TAFA2: variants seen among roughly 807,000 people sequenced by gnomAD.
The protein encoded by TAFA2 is chemokine-like protein TAFA-2.
In TAFA2, 7 loss-of-function variants were observed where a neutral mutation model predicts 18.8. That is an observed-to-expected ratio of 0.37 (90% CI 0.21 to 0.70). The LOEUF is 0.70. TAFA2 is among the 30% of genes least tolerant of loss of function. TAFA2 has a pLI of 0.53. For missense variants in TAFA2, 122 were observed against 158.1 expected (o/e 0.77, Z 1.23); for synonymous variants, 60 against 54.2 (o/e 1.11, Z -0.47).
At chr12:62,214,286 G>A (rs984217840) in intron 1 of TAFA2, among the ~76,000 whole-genome samples, 2 of 152,230 alleles carry the variant, frequency 1.3e-5, no homozygotes, top group East Asian at 3.9e-4. Flanking sequence ...TCTTTCCTGT[G>A]CTGTTTTCAT....
At chr12:62,156,155 A>G (rs1592371332) in intron 1 of TAFA2, among the ~76,000 whole-genome samples, 1 of 152,238 alleles carries the variant, frequency 6.6e-6, no homozygotes, top group Non-Finnish European at 1.5e-5. Context: ...GACAATTCTC[A>G]AAAGAAGATA....
chr12:62,229,316 A>C (rs7313479), intron 1 of TAFA2, among the ~76,000 whole-genome samples: 54,149 of 151,834 alleles, frequency 0.36, 10,135 homozygotes, highest in South Asian at 0.45. Flanking sequence ...AATGGCTTTC[A>C]ATTTTTCCCC....
chr12:61,962,968 A>G (rs1261509144), intron 1 of TAFA2, among the ~76,000 whole-genome samples: 1 of 152,098 alleles, frequency 6.6e-6, no homozygotes, highest in Non-Finnish European at 1.5e-5. Flanking sequence ...GAATGAGAAC[A>G]TACAGTGTTT....
chr12:61,931,659 G>C (rs1877559661), intron 1 of TAFA2, among the ~76,000 whole-genome samples: 1 of 152,144 alleles, frequency 6.6e-6, no homozygotes, highest in South Asian at 2.1e-4. Context: ...TCTCTAGTTT[G>C]GAAGGTACAG....
chr12:61,753,845 C>CTGT, intron 3 of TAFA2, 99 bp from the exon 4 acceptor site: 1 of 1,054,970 alleles, frequency 9.5e-7, no homozygotes, highest in Non-Finnish European at 1.4e-6. Flanking sequence ...TTTTTCCTAC[C>CTGT]AGTGGGAATA....
chr12:62,170,209 G>A lies in TAFA2; in HGVS notation c.-2+21050C>T, dbSNP rs145905154. The stretch of plus-strand genomic sequence containing the variant: ...TAATTGATATCTCTCTTTGAAATGT[G>A]GAACAAAGGAAACTATATGTTGAGG... On this transcript the variant is annotated intron_variant, in intron 1 of 4. Coordinates refer to ENST00000416284, the MANE Select transcript of TAFA2 (RefSeq NM_178539.5). Among the ~76,000 whole-genome samples, 1,023 of 152,112 alleles carry A rather than the reference G, an allele frequency of 6.7e-3. 9 individuals are homozygous for A. The highest frequency in any genetic ancestry group is 0.017 in the Middle Eastern group (5 of 294).
intron 4 of TAFA2, among the ~76,000 whole-genome samples, chr12:61,727,247 A>G (rs919188924): frequency 1.3e-5 from 2 of 151,954 alleles, no homozygotes; most frequent in Non-Finnish European, 2.9e-5. Context: ...AGAATGATTT[A>G]GGGAGGATTC....
intron 1 of TAFA2, among the ~76,000 whole-genome samples, chr12:61,964,676 T>A (rs1184181193): frequency 6.6e-6 from 1 of 151,854 alleles, no homozygotes; most frequent in Non-Finnish European, 1.5e-5. Context: ...CATCCATTCA[T>A]TAAATCAATA....
chr12:61,782,075 T>C (rs1484117003), intron 2 of TAFA2, among the ~76,000 whole-genome samples: 2 of 151,630 alleles, frequency 1.3e-5, no homozygotes, highest in Non-Finnish European at 3.0e-5. Flanking sequence ...AAGATGTATA[T>C]ATTTCCATGA....
At chr12:62,144,695 C>T (rs2062268362) in intron 1 of TAFA2, among the ~76,000 whole-genome samples, 1 of 152,168 alleles carries the variant, frequency 6.6e-6, no homozygotes. Flanking sequence ...ATTTGGCATA[C>T]ATTTAAAGCA....
chr12:62,218,806 G>A (rs2062748174), intron 1 of TAFA2, among the ~76,000 whole-genome samples: 1 of 151,854 alleles, frequency 6.6e-6, no homozygotes, highest in African/African-American at 2.4e-5. Context: ...AATCAGAGTA[G>A]ATATCTAAAG....
At chr12:62,202,166 T>C (rs185152880) in intron 1 of TAFA2, among the ~76,000 whole-genome samples, 163 of 152,228 alleles carry the variant, frequency 1.1e-3, no homozygotes, top group Admixed American at 1.8e-3. Flanking sequence ...GTCTATTTTA[T>C]TAATTTTTTT....
At chr12:62,119,308 G>C (rs1218249622) in intron 1 of TAFA2, among the ~76,000 whole-genome samples, 1 of 151,934 alleles carries the variant, frequency 6.6e-6, no homozygotes, top group Non-Finnish European at 1.5e-5. Context: ...TGCATAGTAG[G>C]AGTTGAGGTT....
intron 1 of TAFA2, among the ~76,000 whole-genome samples, chr12:62,249,131 C>T (rs1247126144): frequency 6.6e-6 from 1 of 152,014 alleles, no homozygotes; most frequent in Non-Finnish European, 1.5e-5. Context: ...TGTTACCACA[C>T]ATTGCACAAT....
chr12:61,718,169 A>G (rs760911593), intron 4 of TAFA2, among the ~76,000 whole-genome samples: 2 of 152,140 alleles, frequency 1.3e-5, no homozygotes, highest in Non-Finnish European at 2.9e-5. Flanking sequence ...TTGACTGGAA[A>G]TGAATCTTTT....
At chr12:61,881,357 A>T (rs919826736) in intron 1 of TAFA2, among the ~76,000 whole-genome samples, 4 of 152,174 alleles carry the variant, frequency 2.6e-5, no homozygotes, top group Non-Finnish European at 4.4e-5. Context: ...CACCTAGGCT[A>T]TTTAGGATAA....
At chr12:62,180,049 A>G (rs1234892031) in intron 1 of TAFA2, among the ~76,000 whole-genome samples, 3 of 152,232 alleles carry the variant, frequency 2.0e-5, no homozygotes, top group Non-Finnish European at 1.5e-5. Flanking sequence ...GACAGTAAGC[A>G]AGGAAAATCA....
intron 2 of TAFA2, among the ~76,000 whole-genome samples, chr12:61,780,703 A>G (rs1870466662): frequency 6.6e-6 from 1 of 151,112 alleles, no homozygotes; most frequent in African/African-American, 2.4e-5. Context: ...ACATTCACCA[A>G]TCTCCCTGCT....
intron 1 of TAFA2, among the ~76,000 whole-genome samples, chr12:62,190,922 C>A (rs555545389): frequency 1.2e-4 from 19 of 152,206 alleles, no homozygotes; most frequent in African/African-American, 4.3e-4. Context: ...CGAATTACAA[C>A]CCACTTCAAT....
Sources: allele counts gnomAD v4.1 joint callset (sites outside exome capture counted in the v4.1 genomes callset), GRCh38; gene constraint gnomAD v4.1.1; transcripts MANE v1.5; gene names NCBI Gene and HGNC (gene_info 2026-07-23, HGNC 2026-07-21).